The following SNCAIP variants were observed in gnomAD, a reference collection of about 807,000 sequenced individuals.
SNCAIP encodes the protein synphilin-1.
A neutral mutation model predicts 86.7 loss-of-function variants in SNCAIP; 43 were observed. The observed-to-expected ratio is 0.50, with a 90% CI of 0.39 to 0.64. The LOEUF is 0.64. SNCAIP is among the 30% of genes least tolerant of loss of function. The pLI, the probability that SNCAIP is intolerant of heterozygous loss-of-function variation, is 0.00. For synonymous variants in SNCAIP, 417 were observed against 427.2 expected, an observed-to-expected ratio of 0.98 and a Z score of 0.29; for missense variants, 981 against 1,103.1, an observed-to-expected ratio of 0.89 and a Z score of 1.57.
At chr5:122,433,335 A>G (rs1778778752) in intron 6 of SNCAIP, among the ~76,000 whole-genome samples, 1 of 152,148 alleles carries the variant, frequency 6.6e-6, no homozygotes, top group Admixed American at 6.6e-5. Flanking sequence ...CTGAAGAAAG[A>G]GAGTTACATG....
At chr5:122,456,512 G>A (rs1447738859) in intron 10 of SNCAIP, among the ~76,000 whole-genome samples, 1 of 152,032 alleles carries the variant, frequency 6.6e-6, no homozygotes, top group Non-Finnish European at 1.5e-5. Context: ...AAGGAACAAA[G>A]ATGTGGAAGA....
chr5:122,384,845 C>T (rs1406770113), intron 1 of SNCAIP, among the ~76,000 whole-genome samples: 1 of 152,174 alleles, frequency 6.6e-6, no homozygotes, highest in Non-Finnish European at 1.5e-5. Context: ...TTTGAAAATA[C>T]TCCCCTGACA....
At position 122,405,973 on chromosome 5, in the gene SNCAIP, C is replaced by G. The variant is rs548383867; in HGVS notation, c.130+2108C>G. 1.4e-3 allele frequency among the ~76,000 whole-genome samples: 215 copies of G among 152,052 alleles called. 2 individuals carry two copies. Among genetic ancestry groups the G allele is most frequent in the Non-Finnish European group, 9.3e-4 (63 of 68,020 alleles). On this transcript the variant is annotated intron_variant, in intron 3 of 10. Transcript: ENST00000261368. ...TGCTCAAGGTAATCAGTAATCAGAC[C>G]TGACAGGAAATGGATTATGAGGGAA...
chr5:122,425,835 G>C (rs1777261980), intron 5 of SNCAIP, among the ~76,000 whole-genome samples: 1 of 152,208 alleles, frequency 6.6e-6, no homozygotes, highest in Admixed American at 6.5e-5. Context: ...ATCTATCAAA[G>C]ACTATCATTT....
intron 1 of SNCAIP, among the ~76,000 whole-genome samples, chr5:122,316,823 C>T (rs1269431575): frequency 6.6e-6 from 1 of 152,176 alleles, no homozygotes; most frequent in Non-Finnish European, 1.5e-5. Context: ...CAGGTGGTGC[C>T]CTTACCGCAA....
At chr5:122,311,956 G>A (rs975802942), upstream of SNCAIP, 7 of 149,282 alleles carry the variant, frequency 4.7e-5, no homozygotes, top group African/African-American at 7.3e-5. Context: ...GCGCAGCGCA[G>A]CCTGAGGGCG....
In SNCAIP at chr5:122,330,796, A is replaced by G. The variant is rs1755167244; in HGVS notation, c.-47+18512A>G. Among the ~76,000 whole-genome samples the G allele has an allele frequency of 2.6e-5, 4 of 152,200 alleles. No individual in the cohort carries two copies. The South Asian group carries it at 8.3e-4, about 32-fold the overall frequency. On this transcript the variant is annotated intron_variant, in intron 1 of 10. Coordinates refer to ENST00000261368, the MANE Select transcript of SNCAIP (RefSeq NM_005460.4). Reference sequence around the variant, plus strand: ...GATTCAAGCGCATTACGTTTATTGTACACTTTATTTCTATTATTATTACAT... The same window carrying G: ...GATTCAAGCGCATTACGTTTATTGTGCACTTTATTTCTATTATTATTACAT...
At chr5:122,439,043 G>A (rs1020444969) in intron 6 of SNCAIP, among the ~76,000 whole-genome samples, 22 of 152,072 alleles carry the variant, frequency 1.4e-4, no homozygotes, top group African/African-American at 4.1e-4. Context: ...GTTAAGAATC[G>A]TATGCTATAA....
intron 1 of SNCAIP, among the ~76,000 whole-genome samples, chr5:122,325,016 G>C (rs765027646): frequency 9.2e-5 from 14 of 152,296 alleles, no homozygotes; most frequent in Non-Finnish European, 1.6e-4. Context: ...GCCTGGCTCA[G>C]CGGCTTACTG....
chr5:122,405,912 A>T (rs1772868699), intron 3 of SNCAIP, among the ~76,000 whole-genome samples: 1 of 152,182 alleles, frequency 6.6e-6, no homozygotes, highest in Non-Finnish European at 1.5e-5. Context: ...TTTCAAACTT[A>T]GAAGCTTTTG....
chr5:122,439,293 C>A (rs539098494), intron 6 of SNCAIP, among the ~76,000 whole-genome samples: 27 of 152,138 alleles, frequency 1.8e-4, no homozygotes, highest in Non-Finnish European at 3.1e-4. Context: ...CTCTAGGGAC[C>A]CTTGAGGGTT....
At chr5:122,447,972 A>T (rs1225766201) in intron 8 of SNCAIP, among the ~76,000 whole-genome samples, 8 of 152,364 alleles carry the variant, frequency 5.3e-5, no homozygotes, top group Non-Finnish European at 1.0e-4. Flanking sequence ...AGATAAAATG[A>T]GATCACAGAC....
chr5:122,384,438 G>A (rs746526479), intron 1 of SNCAIP, among the ~76,000 whole-genome samples: 1 of 151,892 alleles, frequency 6.6e-6, no homozygotes, highest in Non-Finnish European at 1.5e-5. Flanking sequence ...TGTCATTTTG[G>A]CAAGTTGAAG....
intron 10 of SNCAIP, chr5:122,451,864 C>G (rs889478998): frequency 4.9e-6 from 2 of 404,576 alleles, no homozygotes; most frequent in Non-Finnish European, 8.9e-6. Context: ...ATAAATTTCC[C>G]TAAATGGCCT....
intron 2 of SNCAIP, among the ~76,000 whole-genome samples, chr5:122,392,285 T>C (rs140958863): frequency 6.3e-4 from 96 of 152,272 alleles, no homozygotes; most frequent in Middle Eastern, 3.4e-3. Context: ...AATTCAACAT[T>C]TGCCTATTTC....
chr5:122,445,959 G>A (rs962106994), intron 8 of SNCAIP, among the ~76,000 whole-genome samples: 1 of 151,624 alleles, frequency 6.6e-6, no homozygotes, highest in Admixed American at 6.6e-5. Flanking sequence ...TCTTTAATGA[G>A]TTTAGACTTC....
At chr5:122,349,996 T>G (rs1413302926) in intron 1 of SNCAIP, among the ~76,000 whole-genome samples, 1 of 152,190 alleles carries the variant, frequency 6.6e-6, no homozygotes, top group African/African-American at 2.4e-5. Flanking sequence ...CTATTATGAT[T>G]TGTTCATATT....
At chr5:122,315,640 G>C (rs1049815469) in intron 1 of SNCAIP, among the ~76,000 whole-genome samples, 4 of 152,148 alleles carry the variant, frequency 2.6e-5, no homozygotes, top group African/African-American at 9.7e-5. Flanking sequence ...CTTAGCAATA[G>C]CCCAGGATTT....
intron 6 of SNCAIP, chr5:122,440,386 A>C (rs1160569710): frequency 1.4e-5 from 7 of 486,676 alleles, no homozygotes; most frequent in African/African-American, 5.9e-5. Context: ...TAGAATAGAT[A>C]AGTAAAATAA....
Sources: gnomAD v4.1 joint callset for allele counts (sites outside exome capture counted in the v4.1 genomes callset) on GRCh38, gnomAD v4.1.1 for gene constraint, MANE v1.5 for transcripts, NCBI Gene and HGNC (gene_info 2026-07-23, HGNC 2026-07-21) for gene names.